The following ING3 variants were observed in gnomAD, a reference collection of about 807,000 sequenced individuals.
ING3 encodes inhibitor of growth protein 3.
In ING3, 6 loss-of-function variants were observed where a neutral mutation model predicts 64.8. That is an observed-to-expected ratio of 0.09 (90% CI 0.05 to 0.18). The LOEUF is 0.18. ING3 is among the 10% of genes least tolerant of loss of function. The probability of loss-of-function intolerance (pLI) is 1.00; values close to 1 mark genes in which losing one functional copy is unlikely to be tolerated. For missense variants in ING3, 310 were observed against 489.7 expected (o/e 0.63, Z 3.46); for synonymous variants, 170 against 173.7 (o/e 0.98, Z 0.17).
chr7:120,965,641 C>T (rs977975941), intron 5 of ING3, among the ~76,000 whole-genome samples: 2 of 151,960 alleles, frequency 1.3e-5, no homozygotes, highest in Non-Finnish European at 2.9e-5. Flanking sequence ...GAATATGTAC[C>T]TGTTTCTACA....
At chr7:120,954,569 C>T (rs1364182704) in intron 3 of ING3, among the ~76,000 whole-genome samples, 1 of 151,732 alleles carries the variant, frequency 6.6e-6, no homozygotes, top group Non-Finnish European at 1.5e-5. Flanking sequence ...TAATCTATAA[C>T]AGAAGTGGTC....
At position 120,969,024 on chromosome 7, in the gene ING3, G is replaced by A. The variant is rs1433571423; in HGVS notation, c.728G>A (p.Arg243Gln). The change falls in exon 9 of 12, where the codon CGA becomes CAA. Residue 243 changes from arginine to glutamine, a missense_variant. Physicochemically the swap from Arg to Gln is conservative, Grantham distance 43 (BLOSUM62 1). This residue lies in a region of ING3 where 233 missense variants were observed against 289.4 expected (regional missense o/e 0.81). Transcript: ENST00000315870. ...TGTCTATTTAAGATGAAGGAGGGAC[G>A]AAGAACATCAAGTTTAAAAGCCAGT... ...VQATAQMKEG[R>Q]RTSSLKASYE... The A allele has an allele frequency of 6.8e-6, 11 of 1,610,198 alleles. No homozygotes were observed. The highest frequency in any genetic ancestry group is 8.5e-6 in the Non-Finnish European group (10 of 1,177,516).
At chr7:120,960,197 G>T (rs530519489) in intron 4 of ING3, among the ~76,000 whole-genome samples, 3 of 152,298 alleles carry the variant, frequency 2.0e-5, no homozygotes, top group African/African-American at 4.8e-5. Context: ...GAGTGGAAAA[G>T]ACTTGGCAAG....
chr7:120,968,626 C>T (rs896771050), intron 8 of ING3, among the ~76,000 whole-genome samples: 6 of 152,060 alleles, frequency 3.9e-5, no homozygotes, highest in Admixed American at 6.6e-5. Flanking sequence ...AGGTGGATCA[C>T]TTGAGGTCAG....
intron 4 of ING3, among the ~76,000 whole-genome samples, chr7:120,957,241 G>A (rs1373401732): frequency 6.6e-6 from 1 of 151,988 alleles, no homozygotes. Flanking sequence ...GCCTGGTGGC[G>A]GGTGCCTGTA....
At chr7:120,952,376 TA>T (rs1443603086) in intron 2 of ING3, among the ~76,000 whole-genome samples, 14 of 152,232 alleles carry the variant, frequency 9.2e-5, no homozygotes, top group African/African-American at 3.1e-4. Context: ...ACACATGGAT[TA>T]GAATTTCTAG....
chr7:120,960,918 C>A (rs1326277526), intron 4 of ING3, among the ~76,000 whole-genome samples: 1 of 152,146 alleles, frequency 6.6e-6, no homozygotes, highest in Admixed American at 6.5e-5. Flanking sequence ...TTTATACATA[C>A]CCTGATAAAA....
At position 120,951,245 on chromosome 7, in the gene ING3, C is replaced by A. The variant is rs377106574; in HGVS notation, c.100+10C>A. ...GACCTGCAGGTGCAGAGTAAGTCGGCGCGTCTACTACTCCTGTTCGCTGCG... is the reference window on the plus strand; with the variant it reads ...GACCTGCAGGTGCAGAGTAAGTCGGAGCGTCTACTACTCCTGTTCGCTGCG... On this transcript the variant is annotated intron_variant, in intron 2 of 11. Transcript: ENST00000315870. 9.3e-6 allele frequency: 15 copies of A among 1,613,682 alleles called. 1 individual carries two copies. In the African/African-American group the frequency reaches 1.7e-4, roughly 19 times the overall value.
Position 120,956,110 on chromosome 7 carries a change from G to A in ING3, c.267+486G>A, listed in dbSNP as rs186632309. On this transcript the variant is annotated intron_variant, in intron 4 of 11. Coordinates refer to ENST00000315870, the MANE Select transcript of ING3 (RefSeq NM_019071.3). ...ATCGTATGTAACAGCTGTGTCAGTT[G>A]TTTAAGCAATACAAGATGACAAACT... is the stretch of plus-strand genomic sequence containing the variant. 76 of 1,236,114 alleles carry A rather than the reference G, an allele frequency of 6.1e-5. No homozygotes were observed. The Admixed American group carries it at 7.5e-4, about 12-fold the overall frequency. 76.6% of individuals were successfully genotyped at this position (1,236,114 alleles called of 1,614,324 possible). A position where few individuals can be genotyped will look rare whatever the true frequency, so the allele number is the denominator to read the frequency against.
intron 3 of ING3, among the ~76,000 whole-genome samples, chr7:120,954,834 A>G (rs978917643): frequency 6.6e-6 from 1 of 152,248 alleles, no homozygotes; most frequent in Non-Finnish European, 1.5e-5. Flanking sequence ...AGTGGGAGTT[A>G]TAGAACAACT....
intron 4 of ING3, among the ~76,000 whole-genome samples, chr7:120,961,528 G>A (rs1795933717): frequency 6.6e-6 from 1 of 152,156 alleles, no homozygotes; most frequent in African/African-American, 2.4e-5. Flanking sequence ...GGGTCCATTA[G>A]TGATACACTT....
chr7:120,967,997 C>T lies in ING3; in HGVS notation c.620C>T (p.Pro207Leu). ...NNAYNVNSSQ[P>L]LGSYNIGSLS... ...GCCTACAATGTGAATTCCTCCCAAC[C>T]TCTGGGATCCTATAACATTGGCTCG... The change falls in exon 8 of 12, where the codon CCT (proline) becomes CTT (leucine). Residue 207 changes from proline (P) to leucine (L), a missense_variant. Around this residue, in one of 3 missense-constraint regions of ING3, gnomAD observed 233 missense variants for 289.4 expected, o/e 0.81. Coordinates refer to ENST00000315870, the MANE Select transcript of ING3 (RefSeq NM_019071.3). 4.3e-6 allele frequency: 7 copies of T among 1,614,028 alleles called. No individual in the cohort carries two copies. The highest frequency in any genetic ancestry group is 5.9e-6 in the Non-Finnish European group (7 of 1,179,964).
At position 120,970,677 on chromosome 7, in the gene ING3, AT is replaced by A; in HGVS notation, c.909-4del. ...ATGGTGAGCAAATAAAACTTATACT[AT>A]TTTTTTCAGAAACAACAACAAGTCT... is the stretch of plus-strand genomic sequence containing the variant. On this transcript the variant is annotated splice_polypyrimidine_tract_variant and intron_variant, in intron 9 of 11. Coordinates refer to ENST00000315870, the MANE Select transcript of ING3 (RefSeq NM_019071.3). 1 of 1,612,998 alleles carries A rather than the reference AT, an allele frequency of 6.2e-7. No individual in the cohort carries two copies.
chr7:120,965,380 G>T (rs1475601754), intron 5 of ING3, among the ~76,000 whole-genome samples: 2 of 152,092 alleles, frequency 1.3e-5, no homozygotes, highest in Admixed American at 1.3e-4. Context: ...TTGATCTCCT[G>T]CTATAACTTA....
At chr7:120,974,357 A>C (rs1796108226) in intron 11 of ING3, among the ~76,000 whole-genome samples, 1 of 152,240 alleles carries the variant, frequency 6.6e-6, no homozygotes, top group Non-Finnish European at 1.5e-5. Context: ...TTTATGAGAC[A>C]GCAAATAAGG....
chr7:120,971,743 G>A (rs1584995547), intron 10 of ING3, among the ~76,000 whole-genome samples: 1 of 151,922 alleles, frequency 6.6e-6, no homozygotes, highest in Non-Finnish European at 1.5e-5. Context: ...ATAATATTAC[G>A]ATAGGCATTT....
chr7:120,973,619 G>T (rs1023633103), intron 11 of ING3, among the ~76,000 whole-genome samples: 3 of 152,118 alleles, frequency 2.0e-5, no homozygotes, highest in African/African-American at 7.2e-5. Context: ...CCGTGCTAAA[G>T]TGAAGGGTGG....
intron 5 of ING3, 61 bp downstream of exon 5, chr7:120,964,899 G>A: frequency 7.4e-7 from 1 of 1,343,014 alleles, no homozygotes; most frequent in South Asian, 1.2e-5. Flanking sequence ...TCGCTGAGAA[G>A]ACCTTGTCCC....
Position 120,950,837 on chromosome 7 carries a change from A to G in ING3, c.-60A>G. ...TATTGGAGGGGACAAAACTCCGGCGACAGCGAGTGACACAAATAAACCCCT... is the reference window on the plus strand; with the variant it reads ...TATTGGAGGGGACAAAACTCCGGCGGCAGCGAGTGACACAAATAAACCCCT... On this transcript the variant is annotated 5_prime_UTR_variant, in exon 1 of 12. Coordinates refer to ENST00000315870, the MANE Select transcript of ING3 (RefSeq NM_019071.3). The G allele has an allele frequency of 6.4e-7, 1 of 1,551,958 alleles. No individual in the cohort carries two copies. The highest frequency in any genetic ancestry group is 8.8e-7 in the Non-Finnish European group (1 of 1,141,968).
Sources: gnomAD v4.1 joint callset for allele counts (sites outside exome capture counted in the v4.1 genomes callset) on GRCh38, gnomAD v4.1.1 for gene constraint, gnomAD v4.1.1 regional missense constraint, MANE v1.5 for transcripts, NCBI Gene and HGNC (gene_info 2026-07-23, HGNC 2026-07-21) for gene names.